CAPN5: variants seen among roughly 807,000 people sequenced by gnomAD.
The protein encoded by CAPN5 is calpain 5.
Under a neutral mutation model 73.0 loss-of-function variants are expected in CAPN5, and 54 were observed. That is an observed-to-expected ratio of 0.74 (90% confidence interval 0.59 to 0.93). The LOEUF (loss-of-function observed/expected upper bound fraction) is 0.93, where lower values mean the gene tolerates loss of function less well. Among genes scored for constraint, CAPN5 ranks in the 40% least tolerant of loss-of-function variants. The pLI, the probability that CAPN5 is intolerant of heterozygous loss-of-function variation, is 0.00. For synonymous variants in CAPN5, 335 were observed against 356.9 expected (o/e 0.94, Z 0.69); for missense variants, 785 against 882.9 (o/e 0.89, Z 1.41).
chr11:77,075,966 T>C (rs1949964697), intron 1 of CAPN5, among the ~76,000 whole-genome samples: 1 of 152,248 alleles, frequency 6.6e-6, no homozygotes, highest in South Asian at 2.1e-4. Context: ...GTTTATCATG[T>C]ACAATGTAAT....
chr11:77,077,783 G>T (rs1555034111), intron 1 of CAPN5, among the ~76,000 whole-genome samples: 1 of 152,122 alleles, frequency 6.6e-6, no homozygotes, highest in Non-Finnish European at 1.5e-5. Flanking sequence ...CCAAAGTGCT[G>T]GGATTACATG....
At chr11:77,103,071 G>T in intron 3 of CAPN5, 2 of 1,613,820 alleles carry the variant, frequency 1.2e-6, no homozygotes, top group Non-Finnish European at 1.7e-6. Flanking sequence ...GCCGGGCAAG[G>T]TCACCATCAC....
At position 77,122,565 on chromosome 11, in the gene CAPN5, CCT is replaced by C; in HGVS notation, c.1604-7_1604-6del. On this transcript the variant is annotated splice_polypyrimidine_tract_variant and intron_variant, in intron 11 of 12. Coordinates refer to ENST00000648180, the MANE Select transcript of CAPN5 (RefSeq NM_004055.5). ...CCCACCCTCACCCCATCTCCCACTC[CCT>C]CTCCCTAGGGGCTAACTCTTATGTG... 2 of 1,598,738 alleles carry C rather than the reference CCT, an allele frequency of 1.3e-6. No individual in the cohort carries two copies. Among genetic ancestry groups the C allele is most frequent in the Non-Finnish European group, 1.7e-6 (2 of 1,171,714 alleles).
intron 7 of CAPN5, among the ~76,000 whole-genome samples, chr11:77,117,577 T>C (rs905157510): frequency 1.3e-5 from 2 of 152,030 alleles, no homozygotes; most frequent in African/African-American, 4.8e-5. Flanking sequence ...TTAGAAAGAG[T>C]TTCTTCCAAA....
At chr11:77,121,903 C>A (rs1555042857) in intron 10 of CAPN5, 31 bp from the exon 11 acceptor site, 2 of 1,300,420 alleles carry the variant, frequency 1.5e-6, no homozygotes, top group East Asian at 2.6e-5. Context: ...CCTTCTCCAT[C>A]ACTCCCCTCT....
chr11:77,086,702 C>T (rs951769780), intron 2 of CAPN5, among the ~76,000 whole-genome samples: 1 of 152,200 alleles, frequency 6.6e-6, no homozygotes, highest in Non-Finnish European at 1.5e-5. Flanking sequence ...TCGAGCTCTT[C>T]GCCCTCCTCC....
At chr11:77,108,776 C>G (rs1388212422) in intron 3 of CAPN5, among the ~76,000 whole-genome samples, 6 of 151,746 alleles carry the variant, frequency 4.0e-5, no homozygotes, top group East Asian at 1.9e-4. Flanking sequence ...AAAATAATCT[C>G]TTAATATCAT....
chr11:77,081,994 C>T (rs1950032743), intron 1 of CAPN5, among the ~76,000 whole-genome samples: 1 of 152,090 alleles, frequency 6.6e-6, no homozygotes, highest in Non-Finnish European at 1.5e-5. Flanking sequence ...ATCCCTGGAG[C>T]CCCACATTGG....
In CAPN5 at chr11:77,122,560, C is replaced by T. The variant is rs1555043046; in HGVS notation, c.1604-16C>T. The T allele has an allele frequency of 3.8e-6, 6 of 1,588,636 alleles. No individual in the cohort carries two copies. The highest frequency in any genetic ancestry group is 4.3e-6 in the Non-Finnish European group (5 of 1,165,448). On this transcript the variant is annotated splice_polypyrimidine_tract_variant and intron_variant, in intron 11 of 12. Transcript: ENST00000648180. ...CCACCCCCACCCTCACCCCATCTCC[C>T]ACTCCCTCTCCCTAGGGGCTAACTC...
At chr11:77,067,506 G>T (rs1555032289) in intron 1 of CAPN5, among the ~76,000 whole-genome samples, 1 of 151,808 alleles carries the variant, frequency 6.6e-6, no homozygotes, top group Non-Finnish European at 1.5e-5. Flanking sequence ...CCCCTTCTGG[G>T]TGCTCCACCA....
At chr11:77,111,573 T>C (rs1202711418) in intron 3 of CAPN5, among the ~76,000 whole-genome samples, 1 of 152,200 alleles carries the variant, frequency 6.6e-6, no homozygotes, top group Admixed American at 6.5e-5. Context: ...TGTCTCAGTG[T>C]CCCCAGTCAA....
chr11:77,088,186 G>T, intron 2 of CAPN5: 13 of 1,049,044 alleles, frequency 1.2e-5, no homozygotes, highest in African/African-American at 1.6e-5. Context: ...TGGGGTGGGG[G>T]AGGGGGACTA....
intron 1 of CAPN5, among the ~76,000 whole-genome samples, chr11:77,077,336 G>A (rs1428130101): frequency 6.6e-6 from 1 of 151,964 alleles, no homozygotes; most frequent in Non-Finnish European, 1.5e-5. Flanking sequence ...GAGCCTGGGC[G>A]ACAGAGCGAG....
intron 3 of CAPN5, among the ~76,000 whole-genome samples, chr11:77,106,241 A>G (rs1555039838): frequency 6.6e-6 from 1 of 151,442 alleles, no homozygotes; most frequent in African/African-American, 2.4e-5. Flanking sequence ...GCATGCGCAG[A>G]ACCCTTCCCC....
chr11:77,123,950 C>A lies in CAPN5; in HGVS notation c.*80C>A. 7.2e-7 allele frequency: 1 copy of A among 1,389,534 alleles called. No homozygotes were observed. Among genetic ancestry groups the A allele is most frequent in the South Asian group, 1.3e-5 (1 of 77,124 alleles). 86.1% of individuals were successfully genotyped at this position (1,389,534 alleles called of 1,614,324 possible). On this transcript the variant is annotated 3_prime_UTR_variant, in exon 13 of 13. Transcript: ENST00000648180. ...CTGGGCCTGAGTCTAGCCTGGGAGC[C>A]AGGATACTGGGGTCCTTTTCCCACT...
At position 77,108,748 on chromosome 11, in the gene CAPN5, A is replaced by AC. The variant is rs545482250; in HGVS notation, c.298-3839dup. ...AAAGATAAGGGCTCAAAAAAAAAAA[A>AC]CCATAATACCAACTTATAAAATAAT... On this transcript the variant is annotated intron_variant, in intron 3 of 12. Coordinates refer to ENST00000648180, the MANE Select transcript of CAPN5 (RefSeq NM_004055.5). Among the ~76,000 whole-genome samples the AC allele has an allele frequency of 3.9e-3, 586 of 150,688 alleles. 9 individuals are homozygous for AC. Among genetic ancestry groups the AC allele is most frequent in the African/African-American group, 0.014 (570 of 40,932 alleles).
chr11:77,104,247 T>C (rs1950320000), intron 3 of CAPN5, among the ~76,000 whole-genome samples: 1 of 152,152 alleles, frequency 6.6e-6, no homozygotes, highest in East Asian at 1.9e-4. Flanking sequence ...GGGTTCCCTT[T>C]GCCTTGAGGG....
intron 1 of CAPN5, among the ~76,000 whole-genome samples, chr11:77,076,379 T>G (rs1225388184): frequency 6.6e-6 from 1 of 152,226 alleles, no homozygotes; most frequent in Non-Finnish European, 1.5e-5. Flanking sequence ...TCTAGCAATC[T>G]TCAAGAGTAT....
At chr11:77,074,701 G>T (rs1427121447) in intron 1 of CAPN5, among the ~76,000 whole-genome samples, 1 of 152,200 alleles carries the variant, frequency 6.6e-6, no homozygotes, top group Non-Finnish European at 1.5e-5. Flanking sequence ...TAGGGGAAAG[G>T]GGGCTTTGAT....
Sources: gnomAD v4.1 joint callset for allele counts (sites outside exome capture counted in the v4.1 genomes callset) on GRCh38, gnomAD v4.1.1 for gene constraint, MANE v1.5 for transcripts, NCBI Gene and HGNC (gene_info 2026-07-23, HGNC 2026-07-21) for gene names.